PPP3CC: variants seen among roughly 807,000 people sequenced by gnomAD.
PPP3CC encodes serine/threonine-protein phosphatase 2B catalytic subunit gamma isoform.
Under a neutral mutation model 60.3 loss-of-function variants are expected in PPP3CC, and 35 were observed. The ratio of observed to expected loss-of-function variants is 0.58; its 90% CI spans 0.44 to 0.77. PPP3CC has a LOEUF of 0.77. Ranked by LOEUF, PPP3CC falls within the 30% of genes least tolerant of loss-of-function variation. PPP3CC has a pLI of 0.00. For missense variants in PPP3CC, 570 were observed against 628.9 expected, an observed-to-expected ratio of 0.91 and a Z score of 1.00; for synonymous variants, 206 against 224.3, an observed-to-expected ratio of 0.92 and a Z score of 0.73.
chr8:22,519,198 C>T (rs752074394), intron 6 of PPP3CC, among the ~76,000 whole-genome samples: 6 of 152,172 alleles, frequency 3.9e-5, no homozygotes, highest in African/African-American at 7.2e-5. Flanking sequence ...TTTAGCCACT[C>T]ATGTTCTCTT....
At chr8:22,441,515 C>A in intron 1 of PPP3CC, 57 bp downstream of exon 1, 1 of 1,480,658 alleles carries the variant, frequency 6.8e-7, no homozygotes, top group Admixed American at 2.2e-5. Flanking sequence ...TTCGGCTGGG[C>A]GGCGGCTCGG....
At chr8:22,503,049 A>AT (rs1838808440) in intron 4 of PPP3CC, among the ~76,000 whole-genome samples, 1 of 151,946 alleles carries the variant, frequency 6.6e-6, no homozygotes, top group African/African-American at 2.4e-5. Flanking sequence ...TGTTTGAATT[A>AT]TTTTTTACCA....
At chr8:22,527,668 C>T in intron 9 of PPP3CC, 151 bp downstream of exon 9, 1 of 922,832 alleles carries the variant, frequency 1.1e-6, no homozygotes, top group Non-Finnish European at 1.6e-6. Flanking sequence ...TGGAGTCTCG[C>T]TCTGTCACCC....
chr8:22,494,860 A>G (rs1356563533), intron 3 of PPP3CC, among the ~76,000 whole-genome samples: 2 of 152,148 alleles, frequency 1.3e-5, no homozygotes, highest in African/African-American at 4.8e-5. Context: ...TGCATTTTTT[A>G]TGTACAAAGT....
chr8:22,468,601 A>G (rs1837619487), intron 1 of PPP3CC, among the ~76,000 whole-genome samples: 1 of 150,282 alleles, frequency 6.7e-6, no homozygotes. Flanking sequence ...AGGCATCTCA[A>G]ATTATTTTGA....
intron 1 of PPP3CC, among the ~76,000 whole-genome samples, chr8:22,451,531 A>G (rs1837025885): frequency 6.6e-6 from 1 of 152,198 alleles, no homozygotes; most frequent in African/African-American, 2.4e-5. Context: ...TGACACCACA[A>G]GTGGACACTT....
intron 1 of PPP3CC, among the ~76,000 whole-genome samples, chr8:22,450,412 C>G (rs1836976329): frequency 1.3e-5 from 2 of 152,336 alleles, no homozygotes; most frequent in South Asian, 4.1e-4. Context: ...AATTGCACCA[C>G]TCACCCATTT....
intron 4 of PPP3CC, among the ~76,000 whole-genome samples, chr8:22,499,820 A>G (rs1838710600): frequency 6.6e-6 from 1 of 152,292 alleles, no homozygotes; most frequent in East Asian, 1.9e-4. Context: ...GCTTTTCTAA[A>G]TCATAATCTC....
At chr8:22,538,207 T>A (rs1048323981) in intron 12 of PPP3CC, among the ~76,000 whole-genome samples, 10 of 152,210 alleles carry the variant, frequency 6.6e-5, no homozygotes, top group African/African-American at 2.4e-4. Context: ...GGTAATATCA[T>A]ACACATTTTA....
chr8:22,441,440 A>G lies in PPP3CC; in HGVS notation c.31A>G (p.Thr11Ala), dbSNP rs1205875826. The G allele has an allele frequency of 6.5e-7, 1 of 1,546,372 alleles. No individual in the cohort carries two copies. Among genetic ancestry groups the G allele is most frequent in the Non-Finnish European group, 8.7e-7 (1 of 1,146,106 alleles). Residue 11 changes from threonine to alanine, a missense_variant, in exon 1 of 14, where the codon ACC (threonine) becomes GCC (alanine). Coordinates refer to ENST00000240139, the MANE Select transcript of PPP3CC (RefSeq NM_005605.5). The part of the protein sequence containing the change: MSGRRFHLST[T>A]DRVIKAVPFP... ...CGGGAGGCGCTTCCACCTCTCCACC[A>G]CCGACCGCGTCATCAAAGGTGCCTG...
At chr8:22,507,542 T>A (rs1838959986) in intron 4 of PPP3CC, among the ~76,000 whole-genome samples, 1 of 152,224 alleles carries the variant, frequency 6.6e-6, no homozygotes, top group Non-Finnish European at 1.5e-5. Flanking sequence ...TGCCAGTTAC[T>A]TGCTTGCAGC....
intron 1 of PPP3CC, among the ~76,000 whole-genome samples, chr8:22,449,129 AAGTT>A (rs912890249): frequency 6.6e-6 from 1 of 152,060 alleles, no homozygotes; most frequent in Non-Finnish European, 1.5e-5. Flanking sequence ...AAAGAAAAAA[AAGTT>A]AGGGAGAAAA....
At chr8:22,525,402 A>G (rs939428397) in intron 8 of PPP3CC, among the ~76,000 whole-genome samples, 5 of 151,748 alleles carry the variant, frequency 3.3e-5, no homozygotes, top group African/African-American at 1.2e-4. Context: ...CTTTTCTTCT[A>G]CTGTTGCTCT....
At chr8:22,498,340 C>T (rs1838651976) in intron 4 of PPP3CC, among the ~76,000 whole-genome samples, 1 of 152,072 alleles carries the variant, frequency 6.6e-6, no homozygotes, top group Non-Finnish European at 1.5e-5. Context: ...ATTTGGAAAG[C>T]ACAGAGAAGT....
At chr8:22,535,503 T>C (rs911798785) in intron 12 of PPP3CC, among the ~76,000 whole-genome samples, 1 of 152,192 alleles carries the variant, frequency 6.6e-6, no homozygotes, top group African/African-American at 2.4e-5. Context: ...TTTTTCTTTT[T>C]CTTTTTTTTT....
intron 4 of PPP3CC, among the ~76,000 whole-genome samples, chr8:22,510,638 ATCT>A (rs891220143): frequency 5.9e-5 from 9 of 152,296 alleles, no homozygotes; most frequent in Middle Eastern, 3.4e-3. Flanking sequence ...GCCCCCTCCC[ATCT>A]TCTCACCAGC....
chr8:22,501,982 G>C (rs1168195662), intron 4 of PPP3CC, among the ~76,000 whole-genome samples: 1 of 152,170 alleles, frequency 6.6e-6, no homozygotes, highest in Non-Finnish European at 1.5e-5. Context: ...GGCTATGATT[G>C]TGCCACTGCA....
In PPP3CC at chr8:22,475,540, G is replaced by A. The variant is rs1308549495; in HGVS notation, c.288G>A (p.Lys96=). The A allele has an allele frequency of 3.7e-6, 6 of 1,610,970 alleles. No individual in the cohort carries two copies. The highest frequency in any genetic ancestry group is 5.1e-6 in the Non-Finnish European group (6 of 1,177,534). ...DIHGQFFDLM[K]LFEVGGSPSN... ...ATGGACAATTCTTTGACCTAATGAA[G>A]TTATTTGAAGTTGGAGGATCACCTA... The change falls in exon 3 of 14, where the codon AAG becomes AAA. Residue 96 remains lysine, a synonymous_variant. Transcript: ENST00000240139.
intron 1 of PPP3CC, among the ~76,000 whole-genome samples, chr8:22,443,521 A>T (rs1302799810): frequency 5.3e-5 from 2 of 37,986 alleles, no homozygotes; most frequent in African/African-American, 2.8e-4. Flanking sequence ...ACTCTCTCTA[A>T]AAAAAAAAAA....
Sources: gnomAD v4.1 joint callset for allele counts (sites outside exome capture counted in the v4.1 genomes callset) on GRCh38, gnomAD v4.1.1 for gene constraint, MANE v1.5 for transcripts, NCBI Gene and HGNC (gene_info 2026-07-23, HGNC 2026-07-21) for gene names.